Variants in RYR3 observed in about 807,000 individuals in gnomAD.
RYR3 encodes the protein ryanodine receptor 3.
Under a neutral mutation model 584.3 loss-of-function variants are expected in RYR3, and 207 were observed. That is an observed-to-expected ratio of 0.35 (90% CI 0.32 to 0.40). The LOEUF (loss-of-function observed/expected upper bound fraction) is 0.40. RYR3 is among the 10% of genes least tolerant of loss of function. The pLI is 1.00. For missense variants in RYR3, 5,616 were observed against 6,089.2 expected, an observed-to-expected ratio of 0.92 and a Z score of 2.59; for synonymous variants, 2,416 against 2,248.5, an observed-to-expected ratio of 1.07 and a Z score of -2.11.
intron 26 of RYR3, 146 bp downstream of exon 26, chr15:33,635,965 C>G: frequency 1.0e-5 from 7 of 692,208 alleles, no homozygotes; most frequent in Non-Finnish European, 1.7e-5. Flanking sequence ...ATGGGCATCT[C>G]CTAGTGACTG....
At chr15:33,368,333 C>A (rs993308303) in intron 1 of RYR3, among the ~76,000 whole-genome samples, 4 of 135,316 alleles carry the variant, frequency 3.0e-5, no homozygotes, top group African/African-American at 1.2e-4. Context: ...TTGTAGCCTT[C>A]CTGTCTTTTT....
At chr15:33,429,937 G>T (rs919408487) in intron 1 of RYR3, among the ~76,000 whole-genome samples, 6 of 152,200 alleles carry the variant, frequency 3.9e-5, no homozygotes, top group African/African-American at 1.2e-4. Flanking sequence ...ACTTTGTTTT[G>T]GTTCTCTAGT....
chr15:33,623,391 G>A (rs1224952719), intron 19 of RYR3, among the ~76,000 whole-genome samples: 1 of 152,030 alleles, frequency 6.6e-6, no homozygotes, highest in Non-Finnish European at 1.5e-5. Flanking sequence ...TTTAACTGAT[G>A]TGTGGATAAT....
chr15:33,561,759 G>A (rs1346099921), intron 10 of RYR3, among the ~76,000 whole-genome samples: 2 of 151,868 alleles, frequency 1.3e-5, no homozygotes, highest in Non-Finnish European at 2.9e-5. Flanking sequence ...GATTAGCCAG[G>A]TGCAGTGGCC....
intron 74 of RYR3, chr15:33,815,489 A>C (rs1312268434): frequency 5.7e-6 from 1 of 174,088 alleles, no homozygotes; most frequent in Non-Finnish European, 1.2e-5. Context: ...AAATCCACTG[A>C]AGATATTAGT....
At chr15:33,862,213 G>C (rs1888523433) in intron 102 of RYR3, among the ~76,000 whole-genome samples, 1 of 152,070 alleles carries the variant, frequency 6.6e-6, no homozygotes, top group Non-Finnish European at 1.5e-5. Flanking sequence ...AGCTTAGAGA[G>C]TCCTCATCTT....
At chr15:33,559,223 G>A (rs2057273259) in intron 10 of RYR3, among the ~76,000 whole-genome samples, 1 of 152,162 alleles carries the variant, frequency 6.6e-6, no homozygotes, top group African/African-American at 2.4e-5. Context: ...TCCGTTCAGG[G>A]TCCACAAAAC....
chr15:33,628,897 T>G (rs111722750), intron 21 of RYR3, among the ~76,000 whole-genome samples: 71 of 152,332 alleles, frequency 4.7e-4, no homozygotes, highest in African/African-American at 1.7e-3. Flanking sequence ...TAATATGGTT[T>G]TCAGATGTGT....
chr15:33,695,992 G>A (rs1010482937), intron 38 of RYR3, among the ~76,000 whole-genome samples: 1 of 124,730 alleles, frequency 8.0e-6, no homozygotes, highest in Non-Finnish European at 1.6e-5. Flanking sequence ...ACAGGGTCTC[G>A]CTTTGTGGCC....
intron 1 of RYR3, among the ~76,000 whole-genome samples, chr15:33,312,935 T>C (rs1443303246): frequency 3.3e-5 from 5 of 152,240 alleles, no homozygotes; most frequent in Non-Finnish European, 5.9e-5. Context: ...TTTTGTGTCC[T>C]GGGCTTCCTG....
At chr15:33,517,932 T>C (rs2053656923) in intron 3 of RYR3, among the ~76,000 whole-genome samples, 2 of 152,186 alleles carry the variant, frequency 1.3e-5, no homozygotes, top group South Asian at 4.1e-4. Flanking sequence ...ATGAGGAACA[T>C]GGCACTTATG....
chr15:33,670,223 TA>T (rs2063761199), intron 37 of RYR3, among the ~76,000 whole-genome samples, 195 bp from the exon 38 acceptor site: 1 of 116,216 alleles, frequency 8.6e-6, no homozygotes, highest in South Asian at 3.8e-4. Context: ...GTTGTTCTGA[TA>T]AACAGGAAAT....
At chr15:33,672,923 A>G (rs2063934205) in intron 38 of RYR3, among the ~76,000 whole-genome samples, 1 of 152,178 alleles carries the variant, frequency 6.6e-6, no homozygotes, top group South Asian at 2.1e-4. Context: ...TATTCTTTCT[A>G]CCCTTACCCG....
chr15:33,830,532 C>T (rs1039086625), intron 85 of RYR3, among the ~76,000 whole-genome samples: 13 of 152,160 alleles, frequency 8.5e-5, no homozygotes, highest in African/African-American at 3.1e-4. Context: ...GTAATGTTCA[C>T]TTTACTGTAG....
chr15:33,636,584 A>G (rs35203574), intron 27 of RYR3, 34 bp downstream of exon 27: 208,974 of 1,535,566 alleles, frequency 0.14, 15,156 homozygotes, highest in African/African-American at 0.21. Flanking sequence ...CCCCAGCTCC[A>G]TGAGGCTGGA....
intron 10 of RYR3, among the ~76,000 whole-genome samples, chr15:33,552,905 C>T (rs2056791106): frequency 6.6e-6 from 1 of 152,152 alleles, no homozygotes; most frequent in African/African-American, 2.4e-5. Context: ...CTCTGTGCTT[C>T]CCCTCCCTGG....
intron 10 of RYR3, among the ~76,000 whole-genome samples, chr15:33,561,547 G>A (rs772084929): frequency 9.9e-5 from 15 of 152,124 alleles, no homozygotes; most frequent in Non-Finnish European, 1.5e-4. Context: ...GTTAATCCAC[G>A]TAAAGAACTT....
intron 38 of RYR3, among the ~76,000 whole-genome samples, chr15:33,671,801 T>TTTTC: frequency 8.1e-6 from 1 of 124,208 alleles, no homozygotes; most frequent in Non-Finnish European, 1.6e-5. Flanking sequence ...CCCACCTTCT[T>TTTTC]TTTCTTTTTT....
chr15:33,772,176 T>C lies in RYR3; in HGVS notation c.9055+18T>C. ...TCTACTCTGTGAGTTCTACTGGTATTTGTCGTGGATGTATGTGCACATGGC... is the reference window on the plus strand; with the variant it reads ...TCTACTCTGTGAGTTCTACTGGTATCTGTCGTGGATGTATGTGCACATGGC... On this transcript the variant is annotated intron_variant, in intron 63 of 103. Transcript: ENST00000634891. The C allele has an allele frequency of 6.5e-7, 1 of 1,537,568 alleles. No individual in the cohort carries two copies. Among genetic ancestry groups the C allele is most frequent in the Non-Finnish European group, 9.0e-7 (1 of 1,113,678 alleles).
Sources: gnomAD v4.1 joint callset for allele counts (sites outside exome capture counted in the v4.1 genomes callset) on GRCh38, gnomAD v4.1.1 for gene constraint, MANE v1.5 for transcripts, NCBI Gene and HGNC (gene_info 2026-07-23, HGNC 2026-07-21) for gene names.